PRUNE2: variants seen among roughly 807,000 people sequenced by gnomAD.
The protein encoded by PRUNE2 is protein prune homolog 2.
PRUNE2 carries 164 observed loss-of-function variants against 252.0 expected under a neutral mutation model. The observed-to-expected ratio is 0.65, with a 90% CI of 0.57 to 0.74. The LOEUF is 0.74. Among genes scored for constraint, PRUNE2 ranks in the 30% least tolerant of loss-of-function variants. PRUNE2 has a pLI of 0.00. For missense variants in PRUNE2, 3,495 were observed against 3,711.0 expected (o/e 0.94, Z 1.51); for synonymous variants, 1,292 against 1,350.2 (o/e 0.96, Z 0.94).
chr9:76,874,378 T>C (rs1200133946), intron 1 of PRUNE2, among the ~76,000 whole-genome samples: 2 of 152,194 alleles, frequency 1.3e-5, no homozygotes, highest in Non-Finnish European at 2.9e-5. Context: ...GGGAGTCTAA[T>C]GCTCTGAATT....
rs2046619633 is a variant in PRUNE2 at position 76,710,247 on chromosome 9, T to C, written c.2027A>G (p.Gln676Arg). Residue 676 changes from glutamine to arginine, a missense_variant, in exon 8 of 19, where the codon CAG (glutamine) becomes CGG (arginine). Physicochemically the swap from Gln to Arg is conservative, Grantham distance 43 (BLOSUM62 1). Coordinates refer to ENST00000376718, the MANE Select transcript of PRUNE2 (RefSeq NM_015225.3). ...TTCAGGGCTCTGGAAAACAGATTCC[T>C]GTTCACTGGAACTCCACGCATCTGC... ...NIADAWSSSE[Q>R]ESVFQSPESW... is the part of the protein sequence containing the mutation. The C allele has an allele frequency of 2.5e-6, 4 of 1,613,982 alleles. No individual in the cohort carries two copies. The highest frequency in any genetic ancestry group is 3.4e-6 in the Non-Finnish European group (4 of 1,179,874).
At chr9:76,724,729 C>A (rs1422532381) in intron 6 of PRUNE2, among the ~76,000 whole-genome samples, 1 of 152,134 alleles carries the variant, frequency 6.6e-6, no homozygotes, top group African/African-American at 2.4e-5. Context: ...TAAGTCATCA[C>A]CTCATTAACT....
At chr9:76,764,296 G>A (rs547483146) in intron 6 of PRUNE2, 3 of 152,296 alleles carry the variant, frequency 2.0e-5, no homozygotes, top group Admixed American at 6.5e-5. Context: ...TCAACATAGT[G>A]TGACGGGAAG....
chr9:76,744,973 C>T (rs1256454071), intron 6 of PRUNE2, among the ~76,000 whole-genome samples: 1 of 152,164 alleles, frequency 6.6e-6, no homozygotes, highest in African/African-American at 2.4e-5. Context: ...CAAGGTCAAG[C>T]CCTAGACTTT....
At chr9:76,739,002 C>T (rs1323897932) in intron 6 of PRUNE2, 2 of 152,088 alleles carry the variant, frequency 1.3e-5, no homozygotes, top group East Asian at 1.9e-4. Flanking sequence ...TCATAATCAC[C>T]CTGTGAAGTG....
At chr9:76,694,460 G>A (rs2045183075) in intron 9 of PRUNE2, among the ~76,000 whole-genome samples, 1 of 152,192 alleles carries the variant, frequency 6.6e-6, no homozygotes, top group Non-Finnish European at 1.5e-5. Flanking sequence ...TGGGATTACA[G>A]GTGTGAGCCA....
rs184562036 is a variant in PRUNE2, at chr9:76,647,533, T to C, written c.8558-2624A>G. 4.1e-4 allele frequency among the ~76,000 whole-genome samples: 62 copies of C among 152,284 alleles called. 1 individual carries two copies. In the East Asian group the frequency reaches 4.4e-3, roughly 11 times the overall value. ...GAAATAATTGATAAGGTGGACTTCA[T>C]TGAAATTAAAACTACTATATAAAAG... On this transcript the variant is annotated intron_variant, in intron 11 of 18. Transcript: ENST00000376718.
intron 6 of PRUNE2, among the ~76,000 whole-genome samples, chr9:76,775,893 C>T (rs766385659): frequency 2.9e-4 from 44 of 149,334 alleles, no homozygotes; most frequent in Admixed American, 7.9e-4. Flanking sequence ...TCTATAACTT[C>T]CATTACTCCC....
chr9:76,902,688 TC>T (rs1200897581), intron 1 of PRUNE2, among the ~76,000 whole-genome samples: 3 of 152,120 alleles, frequency 2.0e-5, no homozygotes, highest in Admixed American at 6.5e-5. Flanking sequence ...AGTAACTACC[TC>T]CCTAGCCGTG....
chr9:76,857,931 G>A (rs143506007), intron 1 of PRUNE2, among the ~76,000 whole-genome samples: 34 of 152,234 alleles, frequency 2.2e-4, no homozygotes, highest in Admixed American at 1.4e-3. Flanking sequence ...CCCAAAGATC[G>A]TCTGCACTGC....
At chr9:76,668,565 G>A (rs1007964477) in intron 9 of PRUNE2, among the ~76,000 whole-genome samples, 2 of 152,058 alleles carry the variant, frequency 1.3e-5, no homozygotes, top group Non-Finnish European at 2.9e-5. Flanking sequence ...AAAAGGGCCT[G>A]GGTGGGAGGG....
At chr9:76,872,097 G>A (rs2061237024) in intron 1 of PRUNE2, among the ~76,000 whole-genome samples, 1 of 151,794 alleles carries the variant, frequency 6.6e-6, no homozygotes, top group Admixed American at 6.6e-5. Flanking sequence ...AAGAGTCCTT[G>A]GCACCTGGAA....
At position 76,847,529 on chromosome 9, in the gene PRUNE2, T is replaced by G. The variant is rs1418929713; in HGVS notation, c.345-851A>C. ...TGTGCAACGTCACACATTTAGTGAG[T>G]AGACTAGCTGGTAGACTAGTGAGTA... On this transcript the variant is annotated intron_variant, in intron 3 of 18. Transcript: ENST00000376718. Among the ~76,000 whole-genome samples, 3 of 151,912 alleles carry G rather than the reference T, an allele frequency of 2.0e-5. No homozygotes were observed. The East Asian group carries it at 5.8e-4, about 29-fold the overall frequency.
At chr9:76,624,033 T>C (rs973457776) in intron 17 of PRUNE2, among the ~76,000 whole-genome samples, 2 of 152,228 alleles carry the variant, frequency 1.3e-5, no homozygotes, top group African/African-American at 4.8e-5. Context: ...TTTTAATTCA[T>C]AGAAGGCCGT....
At chr9:76,622,478 T>C (rs1832802767) in intron 17 of PRUNE2, among the ~76,000 whole-genome samples, 1 of 152,208 alleles carries the variant, frequency 6.6e-6, no homozygotes. Flanking sequence ...ATGACAGGTT[T>C]GTCTGAAAAA....
intron 6 of PRUNE2, among the ~76,000 whole-genome samples, chr9:76,722,872 A>G (rs2047765739): frequency 1.3e-5 from 2 of 152,222 alleles, no homozygotes; most frequent in Non-Finnish European, 2.9e-5. Context: ...TTTTATCCTT[A>G]AATGAGAACA....
chr9:76,677,465 A>T (rs1033287137), intron 9 of PRUNE2, among the ~76,000 whole-genome samples: 19 of 152,208 alleles, frequency 1.2e-4, no homozygotes, highest in African/African-American at 4.6e-4. Context: ...AAAATGAGGC[A>T]GAGAATGAAA....
chr9:76,640,634 G>A (rs1842187274), intron 12 of PRUNE2, among the ~76,000 whole-genome samples: 1 of 152,196 alleles, frequency 6.6e-6, no homozygotes, highest in African/African-American at 2.4e-5. Flanking sequence ...AATGCAATAT[G>A]AAGGAAAATG....
At chr9:76,672,641 A>G (rs1068722) in intron 9 of PRUNE2, among the ~76,000 whole-genome samples, 118,219 of 135,808 alleles carry the variant, frequency 0.87, 53,226 homozygotes, top group Non-Finnish European at 0.98. Flanking sequence ...AAAATTGACC[A>G]CATACTGGGA....
Sources: allele counts gnomAD v4.1 joint callset (sites outside exome capture counted in the v4.1 genomes callset), GRCh38; gene constraint gnomAD v4.1.1; transcripts MANE v1.5; gene names NCBI Gene and HGNC (gene_info 2026-07-23, HGNC 2026-07-21).